Variants in ZSCAN18 observed in about 807,000 individuals in gnomAD.
ZSCAN18 encodes the protein zinc finger and SCAN domain containing 18, also known as zinc finger and SCAN domain-containing protein 18.
In ZSCAN18, 16 loss-of-function variants were observed where a neutral mutation model predicts 31.1. That is an observed-to-expected ratio of 0.51 (90% CI 0.35 to 0.78). The LOEUF (loss-of-function observed/expected upper bound fraction) is 0.78, where lower values mean the gene tolerates loss of function less well. ZSCAN18 is among the 30% of genes least tolerant of loss of function. The pLI, the probability that ZSCAN18 is intolerant of heterozygous loss-of-function variation, is 0.01. For synonymous variants in ZSCAN18, 375 were observed against 320.7 expected (o/e 1.17, Z -1.81); for missense variants, 731 against 697.4 (o/e 1.05, Z -0.54).
intron 6 of ZSCAN18, 162 bp downstream of exon 6, chr19:58,086,012 G>T: frequency 1.6e-6 from 1 of 635,170 alleles, no homozygotes; most frequent in Non-Finnish European, 2.8e-6. Context: ...GACCATGGAC[G>T]TAACTGGATT....
At chr19:58,110,427 C>T (rs8109471) in intron 1 of ZSCAN18, among the ~76,000 whole-genome samples, 115,610 of 151,834 alleles carry the variant, frequency 0.76, 44,733 homozygotes, top group Non-Finnish European at 0.85. Flanking sequence ...TGAATCCAGA[C>T]ATGCATACTG....
rs775992079 is a variant in ZSCAN18, at chr19:58,083,943, T to C, written c.*742A>G. 3.9e-5 allele frequency: 6 copies of C among 152,264 alleles called. No individual in the cohort carries two copies. The highest frequency in any genetic ancestry group is 8.8e-5 in the Non-Finnish European group (6 of 68,044). 9.4% of individuals were successfully genotyped at this position (152,264 alleles called of 1,614,324 possible). Reference sequence around the variant, plus strand: ...ACTTCCCAGCAAGAAATGTCTTACATTGCAACCAGTTCTCACATTTAGATG... The same window carrying C: ...ACTTCCCAGCAAGAAATGTCTTACACTGCAACCAGTTCTCACATTTAGATG... On this transcript the variant is annotated 3_prime_UTR_variant, in exon 7 of 7. Transcript: ENST00000601144.
upstream of ZSCAN18, among the ~76,000 whole-genome samples, chr19:58,100,953 G>GCTATC (rs2074588303): frequency 6.6e-6 from 1 of 152,034 alleles, no homozygotes. Flanking sequence ...TCTGGAAAAG[G>GCTATC]CTATCTTTCC....
At chr19:58,093,968 T>C (rs946819989) in intron 1 of ZSCAN18, among the ~76,000 whole-genome samples, 1 of 151,884 alleles carries the variant, frequency 6.6e-6, no homozygotes, top group Non-Finnish European at 1.5e-5. Flanking sequence ...TTTCACCATG[T>C]TGGCCAGGCT....
At chr19:58,093,501 TCA>T (rs1158922345) in intron 1 of ZSCAN18, 1 of 152,240 alleles carries the variant, frequency 6.6e-6, no homozygotes, top group Non-Finnish European at 1.5e-5. Flanking sequence ...CCCTCTCTCC[TCA>T]CACACTCCAC....
At chr19:58,110,648 C>A (rs923037471) in intron 1 of ZSCAN18, among the ~76,000 whole-genome samples, 10 of 152,238 alleles carry the variant, frequency 6.6e-5, no homozygotes, top group African/African-American at 2.4e-4. Context: ...AAAAGTCACA[C>A]CTAAGCTATC....
Position 58,084,765 on chromosome 19 carries a change from G to C in ZSCAN18, c.1453C>G (p.Gln485Glu), listed in dbSNP as rs1274277783. 2 of 1,570,144 alleles carry C rather than the reference G, an allele frequency of 1.3e-6. No individual in the cohort carries two copies. Among genetic ancestry groups the C allele is most frequent in the Non-Finnish European group, 1.7e-6 (2 of 1,166,014 alleles). ...GGACCGCCCGCCCTAGCCCCCGCCT[G>C]GGCTTCGCGGGTGGACGGTTGGGGG... Reference protein sequence around the residue: ...RGPQPSTREAQAGARAGGPPE... With the variant: ...RGPQPSTREAEAGARAGGPPE... The change falls in exon 7 of 7, where the codon CAG becomes GAG. Residue 485 changes from glutamine to glutamate, a missense_variant. Physicochemically the swap from Gln to Glu is conservative, Grantham distance 29. Coordinates refer to ENST00000601144, the MANE Select transcript of ZSCAN18 (RefSeq NM_001145543.2). The surrounding 1 kb of genome is among the most constrained non-coding windows in gnomAD (Gnocchi z 4.5).
chr19:58,099,564 T>C (rs1285098069), upstream of ZSCAN18, among the ~76,000 whole-genome samples: 2 of 152,158 alleles, frequency 1.3e-5, no homozygotes, highest in African/African-American at 4.8e-5. Context: ...CGTGTACAGA[T>C]TTTTCTGTGA....
upstream of ZSCAN18, among the ~76,000 whole-genome samples, chr19:58,100,104 G>A (rs577642466): frequency 2.0e-5 from 3 of 151,000 alleles, no homozygotes; most frequent in South Asian, 6.3e-4. Context: ...AACTACAGGT[G>A]TGCGCTACCA....
At chr19:58,105,472 T>C (rs1386059813) in intron 1 of ZSCAN18, among the ~76,000 whole-genome samples, 1 of 151,872 alleles carries the variant, frequency 6.6e-6, no homozygotes, top group African/African-American at 2.4e-5. Context: ...CCATCCTGGC[T>C]AACACAGTGA....
At chr19:58,113,309 C>CTT (rs1264240346) in intron 1 of ZSCAN18, among the ~76,000 whole-genome samples, 1 of 151,382 alleles carries the variant, frequency 6.6e-6, no homozygotes, top group African/African-American at 2.4e-5. Context: ...AAGCAAGACT[C>CTT]TGTCTCCAAA....
chr19:58,101,950 T>G (rs777175220), upstream of ZSCAN18, among the ~76,000 whole-genome samples: 1 of 152,100 alleles, frequency 6.6e-6, no homozygotes, highest in African/African-American at 2.4e-5. Context: ...GAGTTTCCTA[T>G]ATAGGCCTTC....
Position 58,086,890 on chromosome 19 carries a change from G to A in ZSCAN18, c.745+16C>T, listed in dbSNP as rs971595902. 2 of 1,606,264 alleles carry A rather than the reference G, an allele frequency of 1.2e-6. No individual in the cohort carries two copies. Among genetic ancestry groups the A allele is most frequent in the African/African-American group, 1.3e-5 (1 of 74,782 alleles). ...GATGGGGAGTGGGGCGTGACCCCGA[G>A]GCAGGCGACTCTCACCCCACAGGAG... On this transcript the variant is annotated intron_variant, in intron 5 of 6. Coordinates refer to ENST00000601144, the MANE Select transcript of ZSCAN18 (RefSeq NM_001145543.2).
At chr19:58,097,054 T>G (rs940578120) in intron 1 of ZSCAN18, among the ~76,000 whole-genome samples, 4 of 152,002 alleles carry the variant, frequency 2.6e-5, no homozygotes, top group Non-Finnish European at 5.9e-5. Context: ...CCGCTCTGAC[T>G]CCAGGGCAGG....
At chr19:58,087,201 C>T in intron 4 of ZSCAN18, 115 bp downstream of exon 4, 1 of 1,212,278 alleles carries the variant, frequency 8.2e-7, no homozygotes. Context: ...GGGTTCTGGG[C>T]CTCAGCGCTG....
chr19:58,101,116 T>C (rs1261893353), upstream of ZSCAN18, among the ~76,000 whole-genome samples: 3 of 144,686 alleles, frequency 2.1e-5, no homozygotes, highest in Non-Finnish European at 3.0e-5. Flanking sequence ...GGTGCAGTTA[T>C]TCCTCCCACT....
intron 1 of ZSCAN18, among the ~76,000 whole-genome samples, chr19:58,097,184 T>C (rs1211026396): frequency 6.6e-6 from 1 of 151,406 alleles, no homozygotes; most frequent in Non-Finnish European, 1.5e-5. Context: ...CAGGCGAATA[T>C]ATGGGAAAGT....
chr19:58,098,464 C>A (rs901140615), upstream of ZSCAN18: 2 of 768,180 alleles, frequency 2.6e-6, no homozygotes, highest in Non-Finnish European at 3.2e-6. Flanking sequence ...CCCCTGACAG[C>A]CAGAGACCCG....
intron 1 of ZSCAN18, among the ~76,000 whole-genome samples, chr19:58,092,191 T>C (rs140312562): frequency 6.4e-4 from 98 of 152,218 alleles, no homozygotes; most frequent in African/African-American, 2.3e-3. Context: ...GAGTACTGCA[T>C]ATTAAAAACC....
Sources: gnomAD v4.1 joint callset for allele counts (sites outside exome capture counted in the v4.1 genomes callset) on GRCh38, gnomAD v4.1.1 for gene constraint, Gnocchi (gnomAD v3.1) non-coding constraint, MANE v1.5 for transcripts, NCBI Gene and HGNC (gene_info 2026-07-23, HGNC 2026-07-21) for gene names.